SNTG1: variants seen among roughly 807,000 people sequenced by gnomAD.
The protein encoded by SNTG1 is gamma-1-syntrophin.
In SNTG1, 39 loss-of-function variants were observed where a neutral mutation model predicts 74.7. The ratio of observed to expected loss-of-function variants is 0.52; its 90% confidence interval spans 0.40 to 0.68. The LOEUF (loss-of-function observed/expected upper bound fraction) is 0.68, where lower values mean the gene tolerates loss of function less well. Among genes scored for constraint, SNTG1 ranks in the 30% least tolerant of loss-of-function variants. The probability of loss-of-function intolerance (pLI) is 0.00; values close to 1 mark genes in which losing one functional copy is unlikely to be tolerated. For synonymous variants in SNTG1, 254 were observed against 217.1 expected, an observed-to-expected ratio of 1.17 and a Z score of -1.49; for missense variants, 685 against 609.5, an observed-to-expected ratio of 1.12 and a Z score of -1.30.
intron 2 of SNTG1, among the ~76,000 whole-genome samples, chr8:50,391,666 C>G (rs2092662826): frequency 6.6e-6 from 1 of 152,018 alleles, no homozygotes; most frequent in African/African-American, 2.4e-5. Context: ...CTCTTTGTAC[C>G]TCTGGTAGAA....
At chr8:49,994,588 A>G (rs1814023608) in intron 1 of SNTG1, among the ~76,000 whole-genome samples, 1 of 151,964 alleles carries the variant, frequency 6.6e-6, no homozygotes. Flanking sequence ...TTATAATGGA[A>G]CTTTATAAAG....
intron 10 of SNTG1, among the ~76,000 whole-genome samples, 179 bp downstream of exon 10, chr8:50,530,438 CCT>C (rs2130318663): frequency 6.6e-6 from 1 of 152,108 alleles, no homozygotes; most frequent in African/African-American, 2.4e-5. Flanking sequence ...ATTTTTTTCC[CCT>C]CTCAAGTCTG....
At position 50,483,968 on chromosome 8, in the gene SNTG1, T is replaced by A. The variant is rs145057772; in HGVS notation, c.364-18810T>A. On this transcript the variant is annotated intron_variant, in intron 8 of 18. Coordinates refer to ENST00000642720, the MANE Select transcript of SNTG1 (RefSeq NM_018967.5). ...ATAGCTATGGTTTTACTATTATGAA[T>A]TTAGAGTGAATATGTGTATAAGTTA... 1.5e-3 allele frequency among the ~76,000 whole-genome samples: 233 copies of A among 152,314 alleles called. 2 individuals carry two copies. The highest frequency in any genetic ancestry group is 0.01 in the Middle Eastern group (3 of 294).
chr8:50,527,611 A>T (rs2094232233), intron 9 of SNTG1, among the ~76,000 whole-genome samples: 1 of 151,988 alleles, frequency 6.6e-6, no homozygotes, highest in Non-Finnish European at 1.5e-5. Context: ...CTATTTTTTT[A>T]AATGAAAATC....
At chr8:50,473,099 C>T (rs918393827) in intron 8 of SNTG1, among the ~76,000 whole-genome samples, 3 of 152,100 alleles carry the variant, frequency 2.0e-5, no homozygotes, top group Non-Finnish European at 4.4e-5. Context: ...GAATTGCAAT[C>T]CCCACGTTCC....
chr8:50,027,468 A>C (rs1347209661), intron 1 of SNTG1, among the ~76,000 whole-genome samples: 1 of 152,184 alleles, frequency 6.6e-6, no homozygotes, highest in Non-Finnish European at 1.5e-5. Context: ...AGACATAGTT[A>C]AGATGAGATT....
chr8:49,914,174 G>T lies in SNTG1; in HGVS notation c.-103+1943G>T, dbSNP rs575114325. 3.3e-5 allele frequency among the ~76,000 whole-genome samples: 5 copies of T among 152,198 alleles called. No individual in the cohort carries two copies. The South Asian group carries it at 1.0e-3, about 32-fold the overall frequency. ...AGATAGTCAAACAAACAAACAAAAA[G>T]GGGGTAGTGGAAACCAATCTTCATT... is the stretch of plus-strand genomic sequence containing the variant. On this transcript the variant is annotated intron_variant, in intron 1 of 18. Coordinates refer to ENST00000642720, the MANE Select transcript of SNTG1 (RefSeq NM_018967.5).
At chr8:50,659,468 A>G (rs1429189334) in intron 15 of SNTG1, among the ~76,000 whole-genome samples, 3 of 152,182 alleles carry the variant, frequency 2.0e-5, no homozygotes, top group Admixed American at 1.3e-4. Context: ...TTAAAGACTT[A>G]GCAGAGTAGA....
intron 2 of SNTG1, among the ~76,000 whole-genome samples, chr8:50,389,105 G>A (rs1489910242): frequency 6.6e-6 from 1 of 152,196 alleles, no homozygotes; most frequent in African/African-American, 2.4e-5. Context: ...GAGGGCACGG[G>A]AAGCATGTGA....
intron 13 of SNTG1, among the ~76,000 whole-genome samples, chr8:50,612,245 T>A (rs2094855746): frequency 6.6e-6 from 1 of 152,192 alleles, no homozygotes; most frequent in Middle Eastern, 3.2e-3. Context: ...GCTGGAAGAT[T>A]TTTCTAATGT....
intron 2 of SNTG1, among the ~76,000 whole-genome samples, chr8:50,361,621 T>C (rs1445092860): frequency 6.6e-6 from 1 of 152,126 alleles, no homozygotes; most frequent in African/African-American, 2.4e-5. Context: ...AAGGAGCATC[T>C]TGAGGTCTGC....
intron 13 of SNTG1, among the ~76,000 whole-genome samples, chr8:50,623,952 A>AT (rs1264079336): frequency 6.6e-6 from 1 of 151,870 alleles, no homozygotes; most frequent in Non-Finnish European, 1.5e-5. Flanking sequence ...TTGAAATATG[A>AT]TTTTCAGTGG....
rs552773316 is a variant in SNTG1, at chr8:50,128,164, T to C, written c.-102-44397T>C. On this transcript the variant is annotated intron_variant, in intron 1 of 18. Transcript: ENST00000642720. ...ATATATTGGAAAAAGAAAGATTCTGTACAGAGAAACTACTTGCTTATCCCA... is the reference window on the plus strand; with the variant it reads ...ATATATTGGAAAAAGAAAGATTCTGCACAGAGAAACTACTTGCTTATCCCA... 5.3e-5 allele frequency among the ~76,000 whole-genome samples: 8 copies of C among 152,264 alleles called. No individual in the cohort carries two copies. In the South Asian group the frequency reaches 1.5e-3, roughly 28 times the overall value.
intron 1 of SNTG1, among the ~76,000 whole-genome samples, chr8:50,105,526 G>A (rs1224386694): frequency 6.6e-6 from 1 of 151,184 alleles, no homozygotes; most frequent in African/African-American, 2.4e-5. Context: ...TTGGCTCTTT[G>A]GGCTCTTTTT....
At chr8:50,663,611 TG>T (rs1224941822) in intron 15 of SNTG1, among the ~76,000 whole-genome samples, 2 of 152,172 alleles carry the variant, frequency 1.3e-5, no homozygotes, top group African/African-American at 4.8e-5. Flanking sequence ...AACACGGCAC[TG>T]TAGTGGTGCA....
In SNTG1 at chr8:50,082,474, G is replaced by A. The variant is rs140033831; in HGVS notation, c.-102-90087G>A. On this transcript the variant is annotated intron_variant, in intron 1 of 18. Transcript: ENST00000642720. ...TGTGAAGTCTTTCTTCCTGAAATAT[G>A]TGCCTGTTTATTTATCTGCTCCTAT... 4.5e-4 allele frequency among the ~76,000 whole-genome samples: 69 copies of A among 152,204 alleles called. No homozygotes were observed. In the East Asian group the frequency reaches 0.012, roughly 27 times the overall value.
At chr8:50,249,966 G>A (rs557089072) in intron 2 of SNTG1, among the ~76,000 whole-genome samples, 1 of 151,826 alleles carries the variant, frequency 6.6e-6, no homozygotes, top group African/African-American at 2.4e-5. Context: ...TCTAGCAACA[G>A]ATCATAAATG....
chr8:50,630,581 T>C (rs1221823433), intron 13 of SNTG1, among the ~76,000 whole-genome samples: 1 of 152,200 alleles, frequency 6.6e-6, no homozygotes, highest in Non-Finnish European at 1.5e-5. Flanking sequence ...GAATTTATTT[T>C]ATATATAAAT....
chr8:50,489,939 T>C (rs939912918), intron 8 of SNTG1, among the ~76,000 whole-genome samples: 2 of 152,222 alleles, frequency 1.3e-5, no homozygotes, highest in Non-Finnish European at 2.9e-5. Flanking sequence ...CTTGAGTTAA[T>C]TTATGTGTTA....
Sources: allele counts gnomAD v4.1 joint callset (sites outside exome capture counted in the v4.1 genomes callset), GRCh38; gene constraint gnomAD v4.1.1; transcripts MANE v1.5; gene names NCBI Gene and HGNC (gene_info 2026-07-23, HGNC 2026-07-21).